Variants in RIMBP2 observed in about 807,000 individuals in gnomAD.
RIMBP2 encodes RIMS binding protein 2, also known as RIMS-binding protein 2.
Under a neutral mutation model 118.6 loss-of-function variants are expected in RIMBP2, and 48 were observed. That is an observed-to-expected ratio of 0.40 (90% CI 0.32 to 0.51). The LOEUF is 0.51. Ranked by LOEUF, RIMBP2 falls within the 20% of genes least tolerant of loss-of-function variation. The pLI is 0.41. For synonymous variants in RIMBP2, 762 were observed against 742.9 expected, an observed-to-expected ratio of 1.03 and a Z score of -0.42; for missense variants, 1,551 against 1,768.3, an observed-to-expected ratio of 0.88 and a Z score of 2.20.
chr12:130,407,888 G>T, intron 19 of RIMBP2, 59 bp from the exon 20 acceptor site: 1 of 1,481,142 alleles, frequency 6.8e-7, no homozygotes, highest in Non-Finnish European at 9.4e-7. Flanking sequence ...ACTTAGCGGT[G>T]TTCCCCTCCT....
chr12:130,705,259 A>T (rs2066048079), intron 1 of RIMBP2, among the ~76,000 whole-genome samples: 1 of 152,146 alleles, frequency 6.6e-6, no homozygotes, highest in South Asian at 2.1e-4. Flanking sequence ...AACCAATGAG[A>T]TGTTAATATT....
At chr12:130,713,576 T>TCTG (rs1460412290) in intron 1 of RIMBP2, among the ~76,000 whole-genome samples, 1 of 152,232 alleles carries the variant, frequency 6.6e-6, no homozygotes, top group African/African-American at 2.4e-5. Context: ...AATCAGCAGC[T>TCTG]CTGCTTGATC....
intron 1 of RIMBP2, among the ~76,000 whole-genome samples, chr12:130,712,588 C>T (rs148970532): frequency 5.3e-5 from 8 of 152,312 alleles, no homozygotes; most frequent in African/African-American, 1.7e-4. Context: ...CTGTCGGATC[C>T]CTCCTGAAGG....
chr12:130,498,351 T>C (rs565990510), intron 4 of RIMBP2, among the ~76,000 whole-genome samples: 1 of 152,344 alleles, frequency 6.6e-6, no homozygotes, highest in South Asian at 2.1e-4. Context: ...AATTCATCAA[T>C]CAATCAGTAT....
At chr12:130,413,978 A>C (rs770454206) in intron 18 of RIMBP2, 147 bp downstream of exon 18, 17 of 859,500 alleles carry the variant, frequency 2.0e-5, no homozygotes, top group African/African-American at 3.4e-5. Flanking sequence ...TTGCCGTCAC[A>C]GCACCATGCC....
At chr12:130,700,190 C>A (rs1593033298) in intron 1 of RIMBP2, among the ~76,000 whole-genome samples, 1 of 152,218 alleles carries the variant, frequency 6.6e-6, no homozygotes, top group African/African-American at 2.4e-5. Flanking sequence ...TTTATTTTCT[C>A]TCAATCTCTA....
chr12:130,460,249 C>T (rs1018491713), intron 6 of RIMBP2, among the ~76,000 whole-genome samples: 2 of 152,154 alleles, frequency 1.3e-5, no homozygotes, highest in Admixed American at 1.3e-4. Flanking sequence ...GTCTGTGCTC[C>T]AGGCCCCACT....
intron 4 of RIMBP2, among the ~76,000 whole-genome samples, chr12:130,479,628 C>T (rs2081777835): frequency 7.4e-6 from 1 of 135,346 alleles, no homozygotes; most frequent in Admixed American, 6.8e-5. Flanking sequence ...CGAGTCCGCA[C>T]CCTCCCGGGA....
chr12:130,574,315 C>G (rs913536340), intron 2 of RIMBP2, among the ~76,000 whole-genome samples: 3 of 152,016 alleles, frequency 2.0e-5, no homozygotes, highest in East Asian at 3.9e-4. Flanking sequence ...TGTTCATCAC[C>G]GAGGGGGACA....
Position 130,424,700 on chromosome 12 carries a change from G to C in RIMBP2, c.2571C>G (p.Pro857=). ...CTCTGGCCAGCCCCGTCCTGGCCCT[G>C]GGGGACGGCCCTGCACCCTGCTTGT... ...LLHKQGAGPS[P]RARTGLAREP... The change falls in exon 16 of 23, where the codon CCC becomes CCG. Residue 857 remains proline (P), a synonymous_variant. Transcript: ENST00000690449. This position sits in a 1 kb window ranked among gnomAD's most constrained non-coding sequence, Gnocchi z 9.8. 1 of 1,232,198 alleles carries C rather than the reference G, an allele frequency of 8.1e-7. No individual in the cohort carries two copies. The highest frequency in any genetic ancestry group is 1.0e-6 in the Non-Finnish European group (1 of 988,014). The allele number at this position is 1,232,198 out of a possible 1,614,324, so 76.3% of individuals were successfully genotyped here. A position where few individuals can be genotyped will look rare whatever the true frequency, so the allele number is the denominator to read the frequency against.
intron 6 of RIMBP2, among the ~76,000 whole-genome samples, chr12:130,461,632 G>A (rs2080002066): frequency 6.6e-6 from 1 of 152,122 alleles, no homozygotes; most frequent in Non-Finnish European, 1.5e-5. Context: ...CTGGGTCCTG[G>A]GGGTGGATCC....
chr12:130,465,490 C>G (rs1836117667), intron 6 of RIMBP2: 1 of 152,460 alleles, frequency 6.6e-6, no homozygotes, highest in Non-Finnish European at 1.5e-5. Flanking sequence ...TGGTGACAAG[C>G]ACACCAGCCC....
chr12:130,497,671 T>A lies in RIMBP2; in HGVS notation c.-4+8977A>T, dbSNP rs138338776. ...TCACATGAAAAACACATGAGGCTTTTTTTGTTTTGTTTTTTTGCAGTGAGT... is the reference window on the plus strand; with the variant it reads ...TCACATGAAAAACACATGAGGCTTTATTTGTTTTGTTTTTTTGCAGTGAGT... On this transcript the variant is annotated intron_variant, in intron 4 of 22. Transcript: ENST00000690449. 4.3e-3 allele frequency among the ~76,000 whole-genome samples: 656 copies of A among 152,216 alleles called. 4 individuals carry two copies. Among genetic ancestry groups the A allele is most frequent in the African/African-American group, 0.015 (619 of 41,566 alleles).
intron 2 of RIMBP2, among the ~76,000 whole-genome samples, chr12:130,627,290 G>A (rs1488078443): frequency 6.6e-6 from 1 of 152,254 alleles, no homozygotes; most frequent in Non-Finnish European, 1.5e-5. Flanking sequence ...AGGTGGAACA[G>A]TCAGTGCCAC....
At chr12:130,451,719 G>A (rs527831309) in intron 7 of RIMBP2, among the ~76,000 whole-genome samples, 112 of 152,394 alleles carry the variant, frequency 7.3e-4, no homozygotes, top group African/African-American at 2.5e-3. Flanking sequence ...GAACGCTCAC[G>A]TGAGGACGGC....
At chr12:130,627,582 G>A (rs186469375) in intron 2 of RIMBP2, among the ~76,000 whole-genome samples, 3 of 152,216 alleles carry the variant, frequency 2.0e-5, no homozygotes, top group East Asian at 1.9e-4. Context: ...ACTGGGCTTC[G>A]GCGCAAACCT....
At chr12:130,626,691 A>C (rs2061657078) in intron 2 of RIMBP2, among the ~76,000 whole-genome samples, 1 of 145,756 alleles carries the variant, frequency 6.9e-6, no homozygotes, top group African/African-American at 2.6e-5. Flanking sequence ...CTTCCATCAC[A>C]ACTACTGCTT....
At chr12:130,399,124 A>G in intron 22 of RIMBP2, 1 of 1,395,230 alleles carries the variant, frequency 7.2e-7, no homozygotes, top group Non-Finnish European at 9.4e-7. Context: ...CGTGAAGGCT[A>G]CATTGCCTGA....
chr12:130,414,521 C>A (rs1565996628), intron 17 of RIMBP2: 1 of 442,460 alleles, frequency 2.3e-6, no homozygotes, highest in Non-Finnish European at 4.0e-6. Context: ...CCTGGCCACA[C>A]TGCATGTGAA....
Sources: gnomAD v4.1 joint callset for allele counts (sites outside exome capture counted in the v4.1 genomes callset) on GRCh38, gnomAD v4.1.1 for gene constraint, Gnocchi (gnomAD v3.1) non-coding constraint, MANE v1.5 for transcripts, NCBI Gene and HGNC (gene_info 2026-07-23, HGNC 2026-07-21) for gene names.